The following GIGYF1 variants were observed in gnomAD, a reference collection of about 807,000 sequenced individuals.
GIGYF1 encodes the protein GRB10-interacting GYF protein 1.
A neutral mutation model predicts 147.1 loss-of-function variants in GIGYF1; 84 were observed. The observed-to-expected ratio is 0.57, with a 90% CI of 0.48 to 0.68. GIGYF1 has a LOEUF of 0.68. GIGYF1 is among the 30% of genes least tolerant of loss of function. The probability of loss-of-function intolerance (pLI) is 0.00; values close to 1 mark genes in which losing one functional copy is unlikely to be tolerated. For missense variants in GIGYF1, 1,485 were observed against 1,393.7 expected (o/e 1.07, Z -1.04); for synonymous variants, 752 against 589.5 (o/e 1.28, Z -3.99).
In GIGYF1 at chr7:100,681,603, GACCCCGCCCC is replaced by G; in HGVS notation, c.*106_*115del. The G allele has an allele frequency of 1.1e-6, 1 of 913,334 alleles. No homozygotes were observed. The highest frequency in any genetic ancestry group is 1.6e-6 in the Non-Finnish European group (1 of 632,222). The allele number at this position is 913,334 out of a possible 1,614,324, so 56.6% of individuals were successfully genotyped here. On this transcript the variant is annotated 3_prime_UTR_variant, in exon 27 of 27. Coordinates refer to ENST00000678049, the MANE Select transcript of GIGYF1 (RefSeq NM_001375765.1). ...TCGTGTGTTTGTAACAAGTGCTGGG[GACCCCGCCCC>G]TGCCTCTTCCTGTGCTCTCTGCGGG...
intron 9 of GIGYF1, 38 bp downstream of exon 9, chr7:100,686,968 C>T: frequency 1.2e-6 from 2 of 1,613,078 alleles, no homozygotes; most frequent in Non-Finnish European, 1.7e-6. Context: ...TCTTGGTCCT[C>T]CCTGCCGCCC....
At position 100,684,271 on chromosome 7, in the gene GIGYF1, GCTGC is replaced by G; in HGVS notation, c.1692_1695del (p.Gln564HisfsTer30). On this transcript the variant is annotated frameshift_variant, in exon 17 of 27. Transcript: ENST00000678049. LOFTEE classifies it high-confidence loss of function. ...AGCTGGAGAAACTGCTGGTGCTGCAGCTGCTGGTACAAGGCCGCCGCGGCCAGCT... is the reference window on the plus strand; with the variant it reads ...AGCTGGAGAAACTGCTGGTGCTGCAGTGGTACAAGGCCGCCGCGGCCAGCT... 1 of 1,608,706 alleles carries G rather than the reference GCTGC, an allele frequency of 6.2e-7. No individual in the cohort carries two copies. Among genetic ancestry groups the G allele is most frequent in the Non-Finnish European group, 8.5e-7 (1 of 1,178,490 alleles).
chr7:100,683,208 A>G lies in GIGYF1; in HGVS notation c.2216T>C (p.Leu739Pro), dbSNP rs1804964129. ...RKHVRQQELL[L>P]KLLQQQQAVP... ...CGCCTGCTGCTGCTGTAGCAACTTC[A>G]GCAATAGCTCCTGCTGCCGCACCTA... Residue 739 changes from leucine (L) to proline (P), a missense_variant, in exon 22 of 27, where the codon CTG becomes CCG. Leu to Pro is a moderately conservative substitution (Grantham distance 98, BLOSUM62 -3). Coordinates refer to ENST00000678049, the MANE Select transcript of GIGYF1 (RefSeq NM_001375765.1). The G allele has an allele frequency of 1.2e-6, 2 of 1,610,260 alleles. No homozygotes were observed. Among genetic ancestry groups the G allele is most frequent in the Admixed American group, 1.7e-5 (1 of 59,956 alleles).
Position 100,683,215 on chromosome 7 carries a change from G to C in GIGYF1, c.2209C>G (p.Leu737Val). ...FRRKHVRQQELLLKLLQQQQA... is the reference protein window; with the variant it reads ...FRRKHVRQQEVLLKLLQQQQA... ...TGCTGCTGTAGCAACTTCAGCAATA[G>C]CTCCTGCTGCCGCACCTAAGAGGGG... The change falls in exon 22 of 27, where the codon CTA (leucine) becomes GTA (valine). Residue 737 changes from leucine (L) to valine (V), a missense_variant. Coordinates refer to ENST00000678049, the MANE Select transcript of GIGYF1 (RefSeq NM_001375765.1). 6.2e-7 allele frequency: 1 copy of C among 1,611,044 alleles called. No individual in the cohort carries two copies. Among genetic ancestry groups the C allele is most frequent in the Non-Finnish European group, 8.5e-7 (1 of 1,179,910 alleles).
chr7:100,685,117 C>T lies in GIGYF1; in HGVS notation c.1222G>A (p.Gly408Arg), dbSNP rs201431547. 3.2e-5 allele frequency: 51 copies of T among 1,583,250 alleles called. 1 individual carries two copies. The highest frequency in any genetic ancestry group is 1.7e-4 in the Middle Eastern group (1 of 6,018). The stretch of plus-strand genomic sequence containing the variant: ...GGTGGGCCAGCAGAGGAGCCCACCC[C>T]GGGACTCAGCTGGATCCCCCGAATA... The part of the protein sequence containing the change: ...DDIRGIQLSP[G>R]VGSSAGPPGD... Residue 408 changes from glycine to arginine, a missense_variant, in exon 14 of 27, where the codon GGG becomes AGG. Transcript: ENST00000678049.
rs1344030335 is a variant in GIGYF1, at chr7:100,685,492, G to A, written c.1055-11C>T. ...TCAGCTCTTTCCCACCTAGAAGAGG[G>A]AGATGGCCAGAGTTCAGAACCAAGG... is the stretch of plus-strand genomic sequence containing the variant. On this transcript the variant is annotated splice_polypyrimidine_tract_variant and intron_variant, in intron 12 of 26. Transcript: ENST00000678049. The A allele has an allele frequency of 3.8e-6, 6 of 1,597,146 alleles. No homozygotes were observed. Among genetic ancestry groups the A allele is most frequent in the East Asian group, 2.2e-5 (1 of 44,598 alleles).
At chr7:100,691,646 G>A (rs961253163) in intron 1 of GIGYF1, among the ~76,000 whole-genome samples, 10 of 152,116 alleles carry the variant, frequency 6.6e-5, no homozygotes, top group East Asian at 5.8e-4. Context: ...CAGCTTACCC[G>A]GCTGAGCTTT....
rs1804866420 is a variant in GIGYF1, at chr7:100,682,374, G to C, written c.2709C>G (p.Thr903=). ...QGIPRPQDGF[T]QWCEQMLHTL... ...TGTGCAGCATCTGCTCGCACCACTGGGTGAAGCCGTCCTGGGGCCTGGGAA... is the reference window on the plus strand; with the variant it reads ...TGTGCAGCATCTGCTCGCACCACTGCGTGAAGCCGTCCTGGGGCCTGGGAA... Residue 903 remains threonine (T), a synonymous_variant, in exon 24 of 27, where the codon ACC becomes ACG. Coordinates refer to ENST00000678049, the MANE Select transcript of GIGYF1 (RefSeq NM_001375765.1). 1.2e-6 allele frequency: 2 copies of C among 1,613,524 alleles called. No homozygotes were observed. Among genetic ancestry groups the C allele is most frequent in the Non-Finnish European group, 1.7e-6 (2 of 1,179,976 alleles).
rs371464815 is a variant in GIGYF1 at position 100,688,185 on chromosome 7, C to A, written c.35+19G>T. ...TGCTTTCTCGAATCTCCACGGCAGC[C>A]GAGGCACAAGTGACTCACCACTCAG... is the stretch of plus-strand genomic sequence containing the variant. On this transcript the variant is annotated intron_variant, in intron 4 of 26. Coordinates refer to ENST00000678049, the MANE Select transcript of GIGYF1 (RefSeq NM_001375765.1). 6.2e-7 allele frequency: 1 copy of A among 1,610,996 alleles called. No individual in the cohort carries two copies. The highest frequency in any genetic ancestry group is 1.3e-5 in the African/African-American group (1 of 74,544).
Position 100,687,324 on chromosome 7 carries a change from G to C in GIGYF1, c.456C>G (p.Ile152Met). 2 of 1,613,106 alleles carry C rather than the reference G, an allele frequency of 1.2e-6. No individual in the cohort carries two copies. The highest frequency in any genetic ancestry group is 1.7e-6 in the Non-Finnish European group (2 of 1,179,926). Residue 152 changes from isoleucine to methionine, a missense_variant, in exon 8 of 27, where the codon ATC becomes ATG. Physicochemically the swap from Ile to Met is conservative, Grantham distance 10. Transcript: ENST00000678049. ...DGAFGRSPREIQRSQSWDDRG... is the reference protein window; with the variant it reads ...DGAFGRSPREMQRSQSWDDRG... ...TGTCATCCCAGCTCTGGCTGCGCTG[G>C]ATTTCCCGGGGGCTTCGTCCAAAGG...
At position 100,681,628 on chromosome 7, in the gene GIGYF1, C is replaced by G. The variant is rs1201900182; in HGVS notation, c.*91G>C. ...GACCCCGCCCCTGCCTCTTCCTGTG[C>G]TCTCTGCGGGGAGCCTGCAGGCTGG... On this transcript the variant is annotated 3_prime_UTR_variant, in exon 27 of 27. Coordinates refer to ENST00000678049, the MANE Select transcript of GIGYF1 (RefSeq NM_001375765.1). The G allele has an allele frequency of 2.4e-6, 3 of 1,264,092 alleles. No individual in the cohort carries two copies. Among genetic ancestry groups the G allele is most frequent in the Non-Finnish European group, 2.2e-6 (2 of 927,338 alleles). The allele number at this position is 1,264,092 out of a possible 1,614,324, so 78.3% of individuals were successfully genotyped here.
At chr7:100,693,751 A>G (rs1447673237) in intron 1 of GIGYF1, among the ~76,000 whole-genome samples, 1 of 151,446 alleles carries the variant, frequency 6.6e-6, no homozygotes, top group African/African-American at 2.4e-5. Flanking sequence ...CGGGGGTGGA[A>G]GGCAGCGCGC....
rs747928381 is a variant in GIGYF1 at position 100,683,846 on chromosome 7, G to A, written c.1941C>T (p.Asp647=). The change falls in exon 19 of 27, where the codon GAC becomes GAT. Residue 647 remains aspartate (D), a synonymous_variant. Coordinates refer to ENST00000678049, the MANE Select transcript of GIGYF1 (RefSeq NM_001375765.1). Reference sequence around the variant, plus strand: ...ACTGTGATGAGGCTGAGGTATGTACGTCCCAGAGGCGGCCCGAATCTGGCA... The same window carrying A: ...ACTGTGATGAGGCTGAGGTATGTACATCCCAGAGGCGGCCCGAATCTGGCA... ...LSVPDSGRLW[D]VHTSASSQSG... 43 of 1,569,338 alleles carry A rather than the reference G, an allele frequency of 2.7e-5. 1 individual carries two copies. Among genetic ancestry groups the A allele is most frequent in the South Asian group, 6.9e-5 (6 of 86,832 alleles).
chr7:100,683,449 G>A lies in GIGYF1; in HGVS notation c.2053-5C>T, dbSNP rs973970424. Reference sequence around the variant, plus strand: ...CACTTCTCTGCGCTCCTGGAACTGAGACCAGTGGCCCATCAGAGGGGAGAG... The same window carrying A: ...CACTTCTCTGCGCTCCTGGAACTGAAACCAGTGGCCCATCAGAGGGGAGAG... On this transcript the variant is annotated splice_polypyrimidine_tract_variant and splice_region_variant and intron_variant, in intron 20 of 26. Transcript: ENST00000678049. 4.3e-6 allele frequency: 7 copies of A among 1,614,142 alleles called. No individual in the cohort carries two copies. The East Asian group carries it at 1.3e-4, about 31-fold the overall frequency.
Position 100,684,287 on chromosome 7 carries a change from C to A in GIGYF1, c.1680G>T (p.Ala560=). Reference sequence around the variant, plus strand: ...GGTGCTGCAGCTGCTGGTACAAGGCCGCCGCGGCCAGCTCCTGTTGCTTCT... The same window carrying A: ...GGTGCTGCAGCTGCTGGTACAAGGCAGCCGCGGCCAGCTCCTGTTGCTTCT... ...RLKKQQELAA[A]ALYQQLQHQQ... Residue 560 remains alanine, a synonymous_variant, in exon 17 of 27, where the codon GCG becomes GCT. Coordinates refer to ENST00000678049, the MANE Select transcript of GIGYF1 (RefSeq NM_001375765.1). The A allele has an allele frequency of 6.2e-7, 1 of 1,605,996 alleles. No individual in the cohort carries two copies.
rs1222167506 is a variant in GIGYF1 at position 100,694,178 on chromosome 7, A to T, written c.-1167T>A. The T allele has an allele frequency of 2.1e-5, 2 of 97,254 alleles. No homozygotes were observed. Among genetic ancestry groups the T allele is most frequent in the Non-Finnish European group, 4.4e-5 (2 of 45,898 alleles). The allele number at this position is 97,254 out of a possible 1,614,324, so 6.0% of individuals were successfully genotyped here. A position where few individuals can be genotyped will look rare whatever the true frequency, so the allele number is the denominator to read the frequency against. On this transcript the variant is annotated 5_prime_UTR_variant, in exon 1 of 27. Coordinates refer to ENST00000678049, the MANE Select transcript of GIGYF1 (RefSeq NM_001375765.1). The stretch of plus-strand genomic sequence containing the variant: ...CGGCGGGCGGGGGCCGGGGACGGCG[A>T]CGGCGGCTAGCAGCGGGGGAGGGGG...
At chr7:100,687,739 G>T (rs1805510245) in intron 6 of GIGYF1, 49 bp downstream of exon 6, 2 of 1,553,530 alleles carry the variant, frequency 1.3e-6, no homozygotes, top group Admixed American at 1.7e-5. Context: ...CCCAACCCAT[G>T]GCCTCCCCTC....
Position 100,682,678 on chromosome 7 carries a change from G to C in GIGYF1, c.2512C>G (p.Leu838Val). 6.2e-7 allele frequency: 1 copy of C among 1,601,526 alleles called. No individual in the cohort carries two copies. The highest frequency in any genetic ancestry group is 1.1e-5 in the South Asian group (1 of 89,768). ...PDKSGGGSSGLGLWEDTPKSG... is the reference protein window; with the variant it reads ...PDKSGGGSSGVGLWEDTPKSG... ...TTGGGGGTGTCCTCCCAGAGCCCCA[G>C]GCCGCTGCTGCCGCCCCCACTCTTG... Residue 838 changes from leucine to valine, a missense_variant, in exon 23 of 27, where the codon CTG becomes GTG. Physicochemically the swap from Leu to Val is conservative, Grantham distance 32 (BLOSUM62 1). Coordinates refer to ENST00000678049, the MANE Select transcript of GIGYF1 (RefSeq NM_001375765.1).
Position 100,685,439 on chromosome 7 carries a change from G to C in GIGYF1, c.1097C>G (p.Ser366Cys). The C allele has an allele frequency of 6.3e-7, 1 of 1,594,208 alleles. No homozygotes were observed. The highest frequency in any genetic ancestry group is 8.5e-7 in the Non-Finnish European group (1 of 1,175,254). ...LTPLPPQEEK[S>C]SSPSPLPTLG... is the part of the protein sequence containing the mutation. ...GGTGGGCAGTGGGGATGGGGAGCTGGACTTCTCCTCCTGAGGAGGCAGTGG... is the reference window on the plus strand; with the variant it reads ...GGTGGGCAGTGGGGATGGGGAGCTGCACTTCTCCTCCTGAGGAGGCAGTGG... Residue 366 changes from serine to cysteine, a missense_variant, in exon 13 of 27, where the codon TCC becomes TGC. Transcript: ENST00000678049.
Sources: allele counts gnomAD v4.1 joint callset (sites outside exome capture counted in the v4.1 genomes callset), GRCh38; gene constraint gnomAD v4.1.1; transcripts MANE v1.5; gene names NCBI Gene and HGNC (gene_info 2026-07-23, HGNC 2026-07-21).